The following GTF2E2 variants were observed in gnomAD, a reference collection of about 807,000 sequenced individuals.
GTF2E2 encodes general transcription factor IIE subunit 2, also known as transcription initiation factor IIE subunit beta.
In GTF2E2, 21 loss-of-function variants were observed where a neutral mutation model predicts 40.5. That is an observed-to-expected ratio of 0.52 (90% CI 0.37 to 0.75). The LOEUF is 0.75. Ranked by LOEUF, GTF2E2 falls within the 30% of genes least tolerant of loss-of-function variation. GTF2E2 has a pLI of 0.00. For missense variants in GTF2E2, 298 were observed against 338.4 expected (o/e 0.88, Z 0.94); for synonymous variants, 117 against 121.6 (o/e 0.96, Z 0.25).
intron 3 of GTF2E2, among the ~76,000 whole-genome samples, chr8:30,617,278 C>G (rs1050866406): frequency 6.6e-6 from 1 of 152,134 alleles, no homozygotes; most frequent in Non-Finnish European, 1.5e-5. Context: ...ACAAAAGAAC[C>G]ATTCATTGAG....
At chr8:30,579,909 C>T (rs554498104) in intron 7 of GTF2E2, among the ~76,000 whole-genome samples, 2 of 152,324 alleles carry the variant, frequency 1.3e-5, no homozygotes, top group African/African-American at 2.4e-5. Flanking sequence ...GCTCACGGAG[C>T]AGGGGAGGGC....
chr8:30,580,215 A>T, intron 7 of GTF2E2, 66 bp downstream of exon 7: 2 of 873,938 alleles, frequency 2.3e-6, no homozygotes, highest in South Asian at 2.8e-5. Context: ...TTCAGAGGGC[A>T]GAAAGCGGAG....
chr8:30,649,444 C>T (rs566649460), intron 2 of GTF2E2, among the ~76,000 whole-genome samples: 2 of 151,850 alleles, frequency 1.3e-5, no homozygotes, highest in East Asian at 3.9e-4. Context: ...AACAGAAAAG[C>T]CAATGAAACC....
At chr8:30,652,132 A>G (rs946659113) in intron 2 of GTF2E2, among the ~76,000 whole-genome samples, 13 of 152,246 alleles carry the variant, frequency 8.5e-5, no homozygotes, top group African/African-American at 2.9e-4. Context: ...AGGAAAACAC[A>G]GAAAAAAATT....
chr8:30,616,679 T>C lies in GTF2E2; in HGVS notation c.259-1964A>G, dbSNP rs187105773. On this transcript the variant is annotated intron_variant, in intron 3 of 7. Coordinates refer to ENST00000355904, the MANE Select transcript of GTF2E2 (RefSeq NM_002095.6). ...GTGGTAATTTGTCAACGTAGGTTCA[T>C]TGACTGTCACAAATGTACTCTTCTG... Among the ~76,000 whole-genome samples the C allele has an allele frequency of 5.5e-4, 83 of 152,186 alleles. No individual in the cohort carries two copies. The East Asian group carries it at 0.013, about 24-fold the overall frequency.
chr8:30,618,295 G>T (rs1800984356), intron 3 of GTF2E2, among the ~76,000 whole-genome samples: 1 of 149,192 alleles, frequency 6.7e-6, no homozygotes, highest in Admixed American at 6.7e-5. Flanking sequence ...GGGGGGCGGG[G>T]GGGAGTTACG....
intron 4 of GTF2E2, among the ~76,000 whole-genome samples, chr8:30,613,680 T>C (rs1428724976): frequency 6.6e-6 from 1 of 152,240 alleles, no homozygotes; most frequent in Non-Finnish European, 1.5e-5. Context: ...TTAATGGTCA[T>C]GTTACATTAT....
chr8:30,598,919 G>A (rs568049702), intron 6 of GTF2E2, among the ~76,000 whole-genome samples: 1 of 152,168 alleles, frequency 6.6e-6, no homozygotes, highest in African/African-American at 2.4e-5. Context: ...TGCACTTTGG[G>A]AAGCCAAGGC....
intron 6 of GTF2E2, among the ~76,000 whole-genome samples, chr8:30,606,129 T>C (rs1563483619): frequency 6.6e-6 from 1 of 152,248 alleles, no homozygotes; most frequent in Non-Finnish European, 1.5e-5. Context: ...TGCTTTGTTA[T>C]ATAAAAGCTT....
chr8:30,583,686 T>G (rs1479684821), intron 6 of GTF2E2, among the ~76,000 whole-genome samples: 3 of 152,160 alleles, frequency 2.0e-5, no homozygotes, highest in Non-Finnish European at 4.4e-5. Flanking sequence ...AACCTCCAAC[T>G]TGTTTTTCAA....
chr8:30,615,972 G>A (rs1412382872), intron 3 of GTF2E2, among the ~76,000 whole-genome samples: 1 of 152,138 alleles, frequency 6.6e-6, no homozygotes, highest in African/African-American at 2.4e-5. Flanking sequence ...ATATCCAGAC[G>A]ATGGAATACT....
chr8:30,657,766 CAAAAGTTTG>C (rs1313954146), intron 1 of GTF2E2, 198 bp downstream of exon 1: 1 of 152,234 alleles, frequency 6.6e-6, no homozygotes, highest in Non-Finnish European at 1.5e-5. Context: ...CTTTCCAACC[CAAAAGTTTG>C]CTCAATGAAC....
At chr8:30,627,760 T>C (rs1238895961) in intron 3 of GTF2E2, among the ~76,000 whole-genome samples, 1 of 152,162 alleles carries the variant, frequency 6.6e-6, no homozygotes, top group Non-Finnish European at 1.5e-5. Context: ...CATACAGAAA[T>C]CCAGTGGCTT....
At chr8:30,657,757 T>C (rs2128732510) in intron 1 of GTF2E2, 1 of 152,356 alleles carries the variant, frequency 6.6e-6, no homozygotes, top group East Asian at 1.9e-4. Context: ...ATTTTCCCTC[T>C]TTCCAACCCA....
chr8:30,633,893 T>A (rs1416800640), intron 3 of GTF2E2, among the ~76,000 whole-genome samples: 1 of 152,208 alleles, frequency 6.6e-6, no homozygotes, highest in Non-Finnish European at 1.5e-5. Context: ...ATAACCCAAA[T>A]ACAAACCACA....
intron 2 of GTF2E2, among the ~76,000 whole-genome samples, chr8:30,648,287 C>A (rs1412000160): frequency 6.6e-6 from 1 of 152,200 alleles, no homozygotes; most frequent in Non-Finnish European, 1.5e-5. Context: ...ATGAGGCAGG[C>A]ACGCAGGCTG....
Position 30,653,418 on chromosome 8 carries a change from A to T in GTF2E2, c.166+15T>A. 6.2e-7 allele frequency: 1 copy of T among 1,603,936 alleles called. No homozygotes were observed. The highest frequency in any genetic ancestry group is 8.5e-7 in the Non-Finnish European group (1 of 1,172,798). ...TCTGAATAAAAACCAAACAGTCCTA[A>T]ACAATTTTACTAACCAGAATTTTGT... On this transcript the variant is annotated intron_variant, in intron 2 of 7. Transcript: ENST00000355904.
intron 2 of GTF2E2, among the ~76,000 whole-genome samples, chr8:30,653,074 T>C (rs1185427657): frequency 6.6e-6 from 1 of 152,158 alleles, no homozygotes; most frequent in Non-Finnish European, 1.5e-5. Flanking sequence ...TCACTGCAAA[T>C]GGGCACATCA....
At chr8:30,644,181 C>G (rs1407380641) in intron 2 of GTF2E2, among the ~76,000 whole-genome samples, 2 of 152,170 alleles carry the variant, frequency 1.3e-5, no homozygotes, top group Non-Finnish European at 2.9e-5. Flanking sequence ...TTGATTCTAA[C>G]AGTCCCCATT....
Sources: gnomAD v4.1 joint callset for allele counts (sites outside exome capture counted in the v4.1 genomes callset) on GRCh38, gnomAD v4.1.1 for gene constraint, MANE v1.5 for transcripts, NCBI Gene and HGNC (gene_info 2026-07-23, HGNC 2026-07-21) for gene names.